Variants in SLC12A8 observed in about 807,000 individuals in gnomAD.
The protein encoded by SLC12A8 is cation-chloride cotransporter 9.
Under a neutral mutation model 75.6 loss-of-function variants are expected in SLC12A8, and 69 were observed. The ratio of observed to expected loss-of-function variants is 0.91; its 90% CI spans 0.75 to 1.11. SLC12A8 has a LOEUF of 1.11. Among genes scored for constraint, SLC12A8 ranks in the 50% most tolerant of loss-of-function variants. SLC12A8 has a pLI of 0.00. For missense variants in SLC12A8, 877 were observed against 896.7 expected, an observed-to-expected ratio of 0.98 and a Z score of 0.28; for synonymous variants, 365 against 372.8, an observed-to-expected ratio of 0.98 and a Z score of 0.24.
At chr3:125,176,547 A>G (rs1390694767) in intron 5 of SLC12A8, among the ~76,000 whole-genome samples, 1 of 152,028 alleles carries the variant, frequency 6.6e-6, no homozygotes, top group African/African-American at 2.4e-5. Context: ...AACCTACACA[A>G]TGGGAGAAAA....
At chr3:125,201,295 T>G (rs544877642) in intron 2 of SLC12A8, among the ~76,000 whole-genome samples, 29 of 152,112 alleles carry the variant, frequency 1.9e-4, no homozygotes, top group Middle Eastern at 3.4e-3. Flanking sequence ...CCTAGCTACT[T>G]GGGAGGCTGA....
chr3:125,163,173 C>T (rs941705389), intron 5 of SLC12A8, among the ~76,000 whole-genome samples: 1 of 151,946 alleles, frequency 6.6e-6, no homozygotes, highest in Admixed American at 6.5e-5. Context: ...TGGTACACAC[C>T]TGTAGTCCCA....
chr3:125,113,477 A>ATCCC, intron 8 of SLC12A8, among the ~76,000 whole-genome samples: 2 of 152,242 alleles, frequency 1.3e-5, no homozygotes, highest in East Asian at 3.9e-4. Context: ...CCATCCATCC[A>ATCCC]TTCAGGAAGC....
At chr3:125,120,764 C>T (rs565982780) in intron 6 of SLC12A8, 78 bp from the exon 7 acceptor site, 4 of 1,031,584 alleles carry the variant, frequency 3.9e-6, no homozygotes, top group Middle Eastern at 2.0e-4. Context: ...CCCTTCCTCT[C>T]CTGCGGGACC....
chr3:125,121,222 C>T (rs1933051424), intron 6 of SLC12A8, among the ~76,000 whole-genome samples: 1 of 152,228 alleles, frequency 6.6e-6, no homozygotes, highest in African/African-American at 2.4e-5. Context: ...CATGGAGTCA[C>T]AAGCTCCTTT....
At chr3:125,089,704 TG>T (rs781402543) in intron 12 of SLC12A8, among the ~76,000 whole-genome samples, 8,032 of 29,564 alleles carry the variant, frequency 0.27, 481 homozygotes, top group East Asian at 0.51. Flanking sequence ...TTTTTTTTTT[TG>T]TGAGTCGGAG....
chr3:125,153,462 G>A (rs1933978659), intron 5 of SLC12A8, among the ~76,000 whole-genome samples: 1 of 152,122 alleles, frequency 6.6e-6, no homozygotes, highest in Admixed American at 6.5e-5. Flanking sequence ...AAGGATGGCC[G>A]CAATTGAGGG....
rs144988140 is a variant in SLC12A8, at chr3:125,208,824, A to AGAGAGAGAGC, written c.51+2474_51+2475insGCTCTCTCTC. On this transcript the variant is annotated intron_variant, in intron 2 of 13. Coordinates refer to ENST00000469902, the MANE Select transcript of SLC12A8 (RefSeq NM_024628.6). ...GAGAGAGAGAGAGAGAGAGAGAGAG[A>AGAGAGAGAGC]GCTACCCTATCTGGTCCTAAAATGA... Among the ~76,000 whole-genome samples, 919 of 126,942 alleles carry AGAGAGAGAGC rather than the reference A, an allele frequency of 7.2e-3. 8 individuals carry two copies. The highest frequency in any genetic ancestry group is 0.023 in the Middle Eastern group (5 of 214). 83.3% of individuals were successfully genotyped at this position (126,942 alleles called of 152,430 possible). A position where few individuals can be genotyped will look rare whatever the true frequency, so the allele number is the denominator to read the frequency against.
At chr3:125,144,277 G>A (rs1250078752) in intron 5 of SLC12A8, among the ~76,000 whole-genome samples, 1 of 152,210 alleles carries the variant, frequency 6.6e-6, no homozygotes, top group African/African-American at 2.4e-5. Context: ...ACTACCCTAT[G>A]AGGTAGATGG....
chr3:125,168,770 C>T (rs1290093751), intron 5 of SLC12A8, among the ~76,000 whole-genome samples: 1 of 152,204 alleles, frequency 6.6e-6, no homozygotes, highest in Non-Finnish European at 1.5e-5. Context: ...CAGCAGACAG[C>T]AGAGGCAGGC....
At chr3:125,121,335 C>G (rs1933053939) in intron 6 of SLC12A8, among the ~76,000 whole-genome samples, 1 of 152,198 alleles carries the variant, frequency 6.6e-6, no homozygotes, top group Non-Finnish European at 1.5e-5. Context: ...TTGCCTCTTC[C>G]CATACAAACA....
At chr3:125,090,250 A>G (rs1938552973) in intron 12 of SLC12A8, among the ~76,000 whole-genome samples, 1 of 152,036 alleles carries the variant, frequency 6.6e-6, no homozygotes, top group Non-Finnish European at 1.5e-5. Context: ...ATTTATTTCT[A>G]ATTATTCCCC....
intron 5 of SLC12A8, among the ~76,000 whole-genome samples, chr3:125,163,082 C>A (rs535288150): frequency 1.3e-5 from 2 of 151,402 alleles, no homozygotes; most frequent in Non-Finnish European, 1.5e-5. Context: ...GACAGGTGGA[C>A]TATTTGAGCC....
intron 5 of SLC12A8, among the ~76,000 whole-genome samples, chr3:125,162,383 C>T (rs887519080): frequency 4.6e-5 from 7 of 152,170 alleles, no homozygotes; most frequent in Non-Finnish European, 1.0e-4. Context: ...GCACCTGGGA[C>T]TCCTGGAGCC....
intron 5 of SLC12A8, among the ~76,000 whole-genome samples, chr3:125,145,008 A>G (rs987196275): frequency 5.9e-5 from 9 of 152,172 alleles, no homozygotes; most frequent in African/African-American, 2.2e-4. Flanking sequence ...TACCCAAGAA[A>G]CAAAGCAGGG....
chr3:125,193,364 T>A (rs1388287214), intron 2 of SLC12A8, among the ~76,000 whole-genome samples: 1 of 152,092 alleles, frequency 6.6e-6, no homozygotes, highest in Non-Finnish European at 1.5e-5. Flanking sequence ...AGTGAGACCC[T>A]GTCTCAAAAA....
intron 12 of SLC12A8, 98 bp from the exon 13 acceptor site, chr3:125,088,468 A>G (rs776782789): frequency 3.2e-5 from 29 of 901,180 alleles, no homozygotes; most frequent in Non-Finnish European, 5.1e-5. Context: ...CAATACACAC[A>G]CACGCACAGA....
intron 5 of SLC12A8, among the ~76,000 whole-genome samples, chr3:125,153,624 T>TATG (rs1933982935): frequency 9.8e-6 from 1 of 101,780 alleles, no homozygotes; most frequent in Non-Finnish European, 2.2e-5. Context: ...ATAATGAAAT[T>TATG]TATGTATTTA....
intron 10 of SLC12A8, among the ~76,000 whole-genome samples, chr3:125,098,753 C>T (rs965755161): frequency 5.9e-5 from 9 of 152,188 alleles, no homozygotes; most frequent in Non-Finnish European, 1.0e-4. Context: ...AAGCTGCTCC[C>T]ATTAAGCATG....
Sources: allele counts gnomAD v4.1 joint callset (sites outside exome capture counted in the v4.1 genomes callset), GRCh38; gene constraint gnomAD v4.1.1; transcripts MANE v1.5; gene names NCBI Gene and HGNC (gene_info 2026-07-23, HGNC 2026-07-21).